TMTC2: variants seen among roughly 807,000 people sequenced by gnomAD.
TMTC2 encodes the protein transmembrane O-mannosyltransferase targeting cadherins 2.
TMTC2 carries 43 observed loss-of-function variants against 82.4 expected under a neutral mutation model. The ratio of observed to expected loss-of-function variants is 0.52; its 90% CI spans 0.41 to 0.67. The LOEUF is 0.67. Ranked by LOEUF, TMTC2 falls within the 30% of genes least tolerant of loss-of-function variation. TMTC2 has a pLI of 0.00. For synonymous variants in TMTC2, 408 were observed against 381.9 expected, an observed-to-expected ratio of 1.07 and a Z score of -0.80; for missense variants, 919 against 1,012.4, an observed-to-expected ratio of 0.91 and a Z score of 1.25.
intron 9 of TMTC2, among the ~76,000 whole-genome samples, chr12:83,032,725 AT>A (rs1023976262): frequency 9.3e-5 from 14 of 149,886 alleles, no homozygotes; most frequent in Non-Finnish European, 1.6e-4. Flanking sequence ...TTTATTTTTT[AT>A]TTTTTTTTAT....
At chr12:83,104,479 G>T (rs1055297101) in intron 11 of TMTC2, among the ~76,000 whole-genome samples, 1 of 152,210 alleles carries the variant, frequency 6.6e-6, no homozygotes, top group Admixed American at 6.5e-5. Flanking sequence ...CTTCCCTGCA[G>T]GCTTAACATT....
intron 8 of TMTC2, among the ~76,000 whole-genome samples, chr12:82,999,068 T>G (rs1879800121): frequency 6.6e-6 from 1 of 152,160 alleles, no homozygotes. Flanking sequence ...AGTCCATATT[T>G]TATCCAGATT....
chr12:82,798,475 C>T (rs1272061066), intron 1 of TMTC2, among the ~76,000 whole-genome samples: 4 of 120,368 alleles, frequency 3.3e-5, no homozygotes, highest in East Asian at 2.5e-4. Flanking sequence ...CCGGCCTGCG[C>T]GACAGAGGGA....
At chr12:82,892,308 T>A (rs559379229) in intron 2 of TMTC2, among the ~76,000 whole-genome samples, 5 of 152,222 alleles carry the variant, frequency 3.3e-5, no homozygotes, top group Non-Finnish European at 5.9e-5. Flanking sequence ...ATTTTCATTT[T>A]CTCAGTACTT....
In TMTC2 at chr12:82,700,425, A is replaced by G. The variant is rs530055334; in HGVS notation, c.83+12756A>G. Among the ~76,000 whole-genome samples, 7 of 152,348 alleles carry G rather than the reference A, an allele frequency of 4.6e-5. 1 individual carries two copies. In the South Asian group the frequency reaches 1.4e-3, roughly 32 times the overall value. On this transcript the variant is annotated intron_variant, in intron 1 of 11. Coordinates refer to ENST00000321196, the MANE Select transcript of TMTC2 (RefSeq NM_152588.3). ...ATTTAAAGATTTTTCATAAAAGCCA[A>G]TATCCAAAATTTAAACTTACTTTTG... is the stretch of plus-strand genomic sequence containing the variant.
intron 1 of TMTC2, among the ~76,000 whole-genome samples, chr12:82,775,521 G>C (rs1877546119): frequency 6.6e-6 from 1 of 152,058 alleles, no homozygotes; most frequent in Non-Finnish European, 1.5e-5. Flanking sequence ...GACGTGTATA[G>C]AGAGGAAACT....
intron 7 of TMTC2, among the ~76,000 whole-genome samples, chr12:82,972,623 T>C (rs1332261650): frequency 6.6e-6 from 1 of 152,152 alleles, no homozygotes; most frequent in Non-Finnish European, 1.5e-5. Flanking sequence ...AGAAAGAAAC[T>C]TGTGGTATGG....
intron 4 of TMTC2, among the ~76,000 whole-genome samples, chr12:82,931,100 T>G (rs1796300): frequency 0.95 from 144,015 of 152,088 alleles, 68,218 homozygotes; most frequent in East Asian, 1. Context: ...TGTAGAGATG[T>G]GGACTCACTA....
chr12:82,995,347 C>CAA (rs1457202089), intron 8 of TMTC2, among the ~76,000 whole-genome samples: 1 of 151,414 alleles, frequency 6.6e-6, no homozygotes, highest in Non-Finnish European at 1.5e-5. Flanking sequence ...TACACACACA[C>CAA]ACACACGCAC....
intron 2 of TMTC2, among the ~76,000 whole-genome samples, chr12:82,891,285 GT>G (rs1275313382): frequency 6.6e-6 from 1 of 152,030 alleles, no homozygotes; most frequent in Admixed American, 6.6e-5. Flanking sequence ...AGAGAGATTT[GT>G]TTTTTTATCA....
At chr12:82,767,432 A>T (rs1257805324) in intron 1 of TMTC2, among the ~76,000 whole-genome samples, 1 of 152,162 alleles carries the variant, frequency 6.6e-6, no homozygotes, top group Non-Finnish European at 1.5e-5. Context: ...AAAATAAAAA[A>T]TAAAATTAGC....
In TMTC2 at chr12:83,118,141, C is replaced by A. The variant is rs182636584; in HGVS notation, c.2332-14069C>A. ...AGTGACAGTTTGACTTCCTCTTTAC[C>A]GATTTGGATGCCCTTTTATTTCCTT... On this transcript the variant is annotated intron_variant, in intron 11 of 11. Coordinates refer to ENST00000321196, the MANE Select transcript of TMTC2 (RefSeq NM_152588.3). Among the ~76,000 whole-genome samples, 214 of 152,098 alleles carry A rather than the reference C, an allele frequency of 1.4e-3. 1 individual carries two copies. Among genetic ancestry groups the A allele is most frequent in the African/African-American group, 4.9e-3 (204 of 41,506 alleles).
At chr12:82,892,914 G>C (rs1873468737) in intron 2 of TMTC2, among the ~76,000 whole-genome samples, 1 of 152,074 alleles carries the variant, frequency 6.6e-6, no homozygotes, top group African/African-American at 2.4e-5. Flanking sequence ...ATCCGATCAT[G>C]TTATTACAAG....
chr12:82,908,960 A>G (rs1260115328), intron 3 of TMTC2, among the ~76,000 whole-genome samples: 1 of 152,142 alleles, frequency 6.6e-6, no homozygotes, highest in African/African-American at 2.4e-5. Flanking sequence ...CTCTGCTACA[A>G]TTGTAGTTTT....
chr12:83,017,771 A>G (rs1880737670), intron 8 of TMTC2, among the ~76,000 whole-genome samples: 2 of 151,400 alleles, frequency 1.3e-5, no homozygotes, highest in East Asian at 1.9e-4. Flanking sequence ...TTGAATTGCA[A>G]CCAGTCATGT....
intron 9 of TMTC2, among the ~76,000 whole-genome samples, chr12:83,036,236 G>A (rs527382564): frequency 2.6e-5 from 4 of 152,260 alleles, no homozygotes; most frequent in Non-Finnish European, 4.4e-5. Flanking sequence ...ACACAGTAGA[G>A]AATAAGACCA....
At chr12:83,043,727 C>T (rs1414352092) in intron 9 of TMTC2, among the ~76,000 whole-genome samples, 1 of 152,118 alleles carries the variant, frequency 6.6e-6, no homozygotes, top group Non-Finnish European at 1.5e-5. Flanking sequence ...TTGTGTTTAT[C>T]TTTGTATGCC....
chr12:83,015,476 G>A (rs559003681), intron 8 of TMTC2, among the ~76,000 whole-genome samples: 53 of 152,324 alleles, frequency 3.5e-4, no homozygotes, highest in Admixed American at 9.2e-4. Flanking sequence ...AGAGCATTCA[G>A]GAGGTTGATG....
At chr12:82,732,161 T>C (rs1015268869) in intron 1 of TMTC2, among the ~76,000 whole-genome samples, 46 of 152,346 alleles carry the variant, frequency 3.0e-4, no homozygotes, top group Admixed American at 1.7e-3. Context: ...TAGCTTTCTT[T>C]ACCAATTTCA....
Sources: allele counts gnomAD v4.1 joint callset (sites outside exome capture counted in the v4.1 genomes callset), GRCh38; gene constraint gnomAD v4.1.1; transcripts MANE v1.5; gene names NCBI Gene and HGNC (gene_info 2026-07-23, HGNC 2026-07-21).